The following MPDZ variants were observed in gnomAD, a reference collection of about 807,000 sequenced individuals.
MPDZ encodes multiple PDZ domain crumbs cell polarity complex component.
In MPDZ, 234 loss-of-function variants were observed where a neutral mutation model predicts 239.1. The ratio of observed to expected loss-of-function variants is 0.98; its 90% CI spans 0.88 to 1.09. MPDZ has a LOEUF of 1.09. MPDZ is among the 50% of genes least tolerant of loss of function. The pLI is 0.00. For missense variants in MPDZ, 3,175 were observed against 2,510.0 expected (o/e 1.26, Z -5.66); for synonymous variants, 1,048 against 881.3 (o/e 1.19, Z -3.35).
chr9:13,186,136 TG>T (rs1954062255), intron 18 of MPDZ, 133 bp downstream of exon 18: 1 of 444,928 alleles, frequency 2.2e-6, no homozygotes, highest in East Asian at 3.5e-5. Flanking sequence ...AGAACTAAGT[TG>T]GAGAAAACAT....
At chr9:13,274,373 T>G (rs1157659323) in intron 1 of MPDZ, 1 of 151,694 alleles carries the variant, frequency 6.6e-6, no homozygotes, top group South Asian at 2.1e-4. Context: ...GGAGGCAGAG[T>G]GGTTTACAAG....
intron 24 of MPDZ, among the ~76,000 whole-genome samples, chr9:13,153,355 T>C (rs1395944431): frequency 3.9e-5 from 6 of 152,146 alleles, no homozygotes; most frequent in Non-Finnish European, 7.4e-5. Context: ...GTGAATAAAA[T>C]AGTTAAAATC....
chr9:13,238,743 A>G (rs1371430985), intron 3 of MPDZ, among the ~76,000 whole-genome samples: 1 of 152,192 alleles, frequency 6.6e-6, no homozygotes, highest in Admixed American at 6.5e-5. Flanking sequence ...CCCAGCTTAC[A>G]TATCTGTGTG....
intron 32 of MPDZ, among the ~76,000 whole-genome samples, chr9:13,130,476 T>C (rs1945815828): frequency 6.6e-6 from 1 of 152,116 alleles, no homozygotes. Context: ...ACTATGTTGA[T>C]GACACTGAGT....
At chr9:13,252,997 T>C (rs1382111030) in intron 1 of MPDZ, among the ~76,000 whole-genome samples, 2 of 152,154 alleles carry the variant, frequency 1.3e-5, no homozygotes, top group Admixed American at 1.3e-4. Context: ...AAATTATACA[T>C]GTGTTTGGTA....
At chr9:13,267,502 T>C (rs1250341211) in intron 1 of MPDZ, among the ~76,000 whole-genome samples, 3 of 152,202 alleles carry the variant, frequency 2.0e-5, no homozygotes, top group South Asian at 2.1e-4. Flanking sequence ...TTCTTTTCCA[T>C]TGCTGAAAAT....
At chr9:13,246,706 G>C (rs1384272780) in intron 3 of MPDZ, among the ~76,000 whole-genome samples, 1 of 151,662 alleles carries the variant, frequency 6.6e-6, no homozygotes, top group African/African-American at 2.4e-5. Context: ...CACACTTTGG[G>C]TTTTTTTTAA....
At chr9:13,197,973 C>T (rs1342775429) in intron 12 of MPDZ, among the ~76,000 whole-genome samples, 2 of 152,102 alleles carry the variant, frequency 1.3e-5, no homozygotes, top group African/African-American at 2.4e-5. Context: ...ATATACACCA[C>T]ACTTTCTTCA....
chr9:13,174,520 A>G (rs1952208143), intron 21 of MPDZ, among the ~76,000 whole-genome samples: 3 of 152,190 alleles, frequency 2.0e-5, no homozygotes, highest in Admixed American at 6.5e-5. Context: ...TGCACACTGG[A>G]GTATAAAAGA....
At position 13,121,709 on chromosome 9, in the gene MPDZ, G is replaced by C. The variant is rs1049541267; in HGVS notation, c.5231+30C>G. ...GATTTAAGTCCCATCATTTCCAAGG[G>C]AGCATTGGGTTTGTCCTCCTCAATC... On this transcript the variant is annotated intron_variant, in intron 38 of 46. Coordinates refer to ENST00000319217, the MANE Select transcript of MPDZ (RefSeq NM_001378778.1). The C allele has an allele frequency of 7.5e-6, 12 of 1,607,948 alleles. 1 individual carries two copies. In the Middle Eastern group the frequency reaches 4.9e-4, roughly 66 times the overall value.
chr9:13,270,311 A>G (rs143276256), intron 1 of MPDZ, among the ~76,000 whole-genome samples: 2 of 152,350 alleles, frequency 1.3e-5, no homozygotes, highest in African/African-American at 4.8e-5. Context: ...TATAAACATT[A>G]CAAATGACCC....
intron 19 of MPDZ, among the ~76,000 whole-genome samples, chr9:13,179,151 C>T (rs1210706608): frequency 6.6e-6 from 1 of 152,118 alleles, no homozygotes; most frequent in East Asian, 1.9e-4. Flanking sequence ...AAGCAATTAA[C>T]ATCTGTAGTA....
chr9:13,191,408 T>C (rs1363484569), intron 15 of MPDZ, among the ~76,000 whole-genome samples: 2 of 152,190 alleles, frequency 1.3e-5, no homozygotes, highest in Non-Finnish European at 2.9e-5. Flanking sequence ...GTCCTAATCC[T>C]AACTTTAGCT....
intron 1 of MPDZ, among the ~76,000 whole-genome samples, chr9:13,271,433 TA>T (rs1423350574): frequency 6.6e-6 from 1 of 152,206 alleles, no homozygotes; most frequent in African/African-American, 2.4e-5. Context: ...CCTTTCTGTG[TA>T]AAAGTAGAAC....
At chr9:13,231,627 C>T (rs569350380) in intron 3 of MPDZ, among the ~76,000 whole-genome samples, 9 of 151,586 alleles carry the variant, frequency 5.9e-5, no homozygotes, top group Non-Finnish European at 7.4e-5. Flanking sequence ...CCCCCCTCCC[C>T]GCAAAAATAA....
chr9:13,224,183 C>A (rs1459047659), intron 4 of MPDZ, among the ~76,000 whole-genome samples, 191 bp downstream of exon 4: 2 of 151,916 alleles, frequency 1.3e-5, no homozygotes, highest in Non-Finnish European at 2.9e-5. Flanking sequence ...ACATATAATA[C>A]TCAAATTTAA....
In MPDZ at chr9:13,279,409, G is replaced by T. The variant is rs910550951; in HGVS notation, c.-67C>A. The stretch of plus-strand genomic sequence containing the variant: ...CTCAAGCGCCGCTTACCCGGCTCGC[G>T]GCGCCCGCCCAGGGCCGCGACGCGA... On this transcript the variant is annotated 5_prime_UTR_variant, in exon 1 of 47. Transcript: ENST00000319217. 3 of 146,928 alleles carry T rather than the reference G, an allele frequency of 2.0e-5. No individual in the cohort carries two copies. Among genetic ancestry groups the T allele is most frequent in the Non-Finnish European group, 4.5e-5 (3 of 66,220 alleles). 9.1% of individuals were successfully genotyped at this position (146,928 alleles called of 1,614,324 possible).
intron 3 of MPDZ, among the ~76,000 whole-genome samples, chr9:13,235,753 T>C (rs555077071): frequency 7.2e-5 from 11 of 152,166 alleles, no homozygotes; most frequent in African/African-American, 2.7e-4. Flanking sequence ...CCTGCCCCTA[T>C]ATAGGTACAA....
At chr9:13,252,185 C>G (rs1053516181) in intron 1 of MPDZ, among the ~76,000 whole-genome samples, 4 of 152,150 alleles carry the variant, frequency 2.6e-5, no homozygotes, top group Non-Finnish European at 5.9e-5. Context: ...TTTATTTACT[C>G]TTATTTACAA....
Sources: allele counts gnomAD v4.1 joint callset (sites outside exome capture counted in the v4.1 genomes callset), GRCh38; gene constraint gnomAD v4.1.1; transcripts MANE v1.5; gene names NCBI Gene and HGNC (gene_info 2026-07-23, HGNC 2026-07-21).